Variants in ESR1 observed in about 807,000 individuals in gnomAD.
The protein encoded by ESR1 is estrogen receptor 1.
A neutral mutation model predicts 52.7 loss-of-function variants in ESR1; 12 were observed. That is an observed-to-expected ratio of 0.23 (90% CI 0.15 to 0.37). The LOEUF is 0.37. Among genes scored for constraint, ESR1 ranks in the 10% least tolerant of loss-of-function variants. The pLI is 1.00. For missense variants in ESR1, 584 were observed against 779.7 expected, an observed-to-expected ratio of 0.75 and a Z score of 2.99; for synonymous variants, 305 against 316.8, an observed-to-expected ratio of 0.96 and a Z score of 0.39.
intron 5 of ESR1, among the ~76,000 whole-genome samples, chr6:152,032,946 T>A (rs985982688): frequency 2.6e-5 from 4 of 152,082 alleles, no homozygotes; most frequent in African/African-American, 9.7e-5. Flanking sequence ...AACAGAGATA[T>A]AGACCAATGG....
At chr6:151,864,574 C>T (rs1294106645) in intron 2 of ESR1, among the ~76,000 whole-genome samples, 24 of 151,034 alleles carry the variant, frequency 1.6e-4, no homozygotes, top group African/African-American at 5.1e-4. Flanking sequence ...TTGACCCAGC[C>T]ATCCCATTAC....
chr6:151,676,840 T>A (rs1778269840), intron 1 of ESR1, among the ~76,000 whole-genome samples: 1 of 152,100 alleles, frequency 6.6e-6, no homozygotes, highest in East Asian at 1.9e-4. Flanking sequence ...TCAAGACACA[T>A]ATATTCACCA....
chr6:152,115,056 T>G (rs2051194385), intron 6 of ESR1, among the ~76,000 whole-genome samples: 1 of 152,158 alleles, frequency 6.6e-6, no homozygotes, highest in Admixed American at 6.5e-5. Flanking sequence ...TTTAAAGTGC[T>G]TTCCCCACTC....
At chr6:151,670,802 C>CTTG in intron 1 of ESR1, among the ~76,000 whole-genome samples, 1 of 116,766 alleles carries the variant, frequency 8.6e-6, no homozygotes, top group Non-Finnish European at 1.7e-5. Flanking sequence ...GAGTTTCACT[C>CTTG]TTGTCGCCCA....
chr6:151,829,859 C>T (rs1003166349), intron 1 of ESR1, among the ~76,000 whole-genome samples: 4 of 152,152 alleles, frequency 2.6e-5, no homozygotes, highest in African/African-American at 9.7e-5. Flanking sequence ...GAGTATGAGT[C>T]AGTCTAGATC....
intron 2 of ESR1, among the ~76,000 whole-genome samples, chr6:151,734,395 T>C (rs1782480433): frequency 6.6e-6 from 1 of 152,198 alleles, no homozygotes; most frequent in Non-Finnish European, 1.5e-5. Context: ...CCTGTGCCAC[T>C]GGCTTCAAAT....
intron 4 of ESR1, among the ~76,000 whole-genome samples, chr6:151,985,144 T>G (rs147925368): frequency 6.6e-6 from 1 of 152,126 alleles, no homozygotes; most frequent in East Asian, 1.9e-4. Context: ...TGGATTGCAC[T>G]CCAGTGGGAT....
intron 1 of ESR1, among the ~76,000 whole-genome samples, chr6:151,827,926 C>G (rs921627103): frequency 1.3e-4 from 20 of 152,186 alleles, no homozygotes; most frequent in Admixed American, 1.2e-3. Flanking sequence ...AAATGTTATA[C>G]AATGTCATCA....
chr6:151,691,618 A>G (rs1264887456), intron 1 of ESR1, among the ~76,000 whole-genome samples: 1 of 152,208 alleles, frequency 6.6e-6, no homozygotes, highest in Non-Finnish European at 1.5e-5. Flanking sequence ...GCCAGATCTA[A>G]TAGGCTTACA....
At chr6:151,925,278 A>G (rs1382472169) in intron 3 of ESR1, among the ~76,000 whole-genome samples, 3 of 152,080 alleles carry the variant, frequency 2.0e-5, no homozygotes, top group South Asian at 2.1e-4. Context: ...GTATTTTTCA[A>G]TGAGGTGTAC....
intron 2 of ESR1, among the ~76,000 whole-genome samples, chr6:151,716,487 C>A (rs1010679478): frequency 2.0e-5 from 3 of 152,308 alleles, no homozygotes; most frequent in South Asian, 2.1e-4. Flanking sequence ...TATCTATAAG[C>A]CCCTGACTGG....
intron 4 of ESR1, among the ~76,000 whole-genome samples, chr6:151,968,053 T>G (rs1412926842): frequency 6.6e-6 from 1 of 152,120 alleles, no homozygotes; most frequent in Non-Finnish European, 1.5e-5. Context: ...TGTAAATTTG[T>G]TTAAGTACCA....
At position 152,094,787 on chromosome 6, in the gene ESR1, C is replaced by T. The variant is rs1328397015; in HGVS notation, c.1553+219C>T. Among the ~76,000 whole-genome samples, 2 of 152,106 alleles carry T rather than the reference C, an allele frequency of 1.3e-5. No individual in the cohort carries two copies. Among genetic ancestry groups the T allele is most frequent in the East Asian group, 1.9e-4 (1 of 5,194 alleles). ...AGTGTCAGAGAAGGCATAGAGGAAG[C>T]GATACTTACGCTTGGTTTAAAGCAT... On this transcript the variant is annotated intron_variant, in intron 7 of 7. Coordinates refer to ENST00000206249, the MANE Select transcript of ESR1 (RefSeq NM_000125.4). This position sits in a 1 kb window ranked among gnomAD's most constrained non-coding sequence, Gnocchi z 4.6.
chr6:152,118,878 G>A (rs1170840877), intron 6 of ESR1, among the ~76,000 whole-genome samples: 1 of 152,142 alleles, frequency 6.6e-6, no homozygotes, highest in African/African-American at 2.4e-5. Flanking sequence ...CACATAGTGG[G>A]CATTCAGTGA....
intron 5 of ESR1, among the ~76,000 whole-genome samples, chr6:152,026,644 T>G (rs2044168840): frequency 6.6e-6 from 1 of 151,760 alleles, no homozygotes; most frequent in Admixed American, 6.6e-5. Context: ...CTTTATTTAC[T>G]ATTTATTGAT....
chr6:151,666,060 G>A (rs564649100), intron 1 of ESR1, among the ~76,000 whole-genome samples: 2 of 152,306 alleles, frequency 1.3e-5, no homozygotes, highest in South Asian at 4.1e-4. Context: ...GCTAATTTCA[G>A]TGTCTTTTCT....
chr6:152,086,356 A>G (rs1195729791), intron 6 of ESR1, among the ~76,000 whole-genome samples: 2 of 150,740 alleles, frequency 1.3e-5, no homozygotes, highest in Non-Finnish European at 3.0e-5. Context: ...TACAAAGGCT[A>G]TATTTATTAC....
rs77552158 is a variant in ESR1, at chr6:151,810,368, C to G, written c.452+2004C>G. On this transcript the variant is annotated intron_variant, in intron 1 of 7. Transcript: ENST00000206249. ...TCCTGTGTTTTATTTCCCGGATTAT[C>G]TTTCCTCTTTTGTTAGAATTCTGCC... Among the ~76,000 whole-genome samples, 445 of 152,170 alleles carry G rather than the reference C, an allele frequency of 2.9e-3. 6 individuals carry two copies. The highest frequency in any genetic ancestry group is 0.027 in the East Asian group (142 of 5,182).
At chr6:151,763,394 T>C (rs1784801991) in intron 2 of ESR1, among the ~76,000 whole-genome samples, 1 of 152,232 alleles carries the variant, frequency 6.6e-6, no homozygotes, top group Non-Finnish European at 1.5e-5. Flanking sequence ...AATATGCATA[T>C]TGAGCGATTC....
Sources: allele counts gnomAD v4.1 joint callset (sites outside exome capture counted in the v4.1 genomes callset), GRCh38; gene constraint gnomAD v4.1.1; non-coding constraint Gnocchi (gnomAD v3.1); transcripts MANE v1.5; gene names NCBI Gene and HGNC (gene_info 2026-07-23, HGNC 2026-07-21).